Variants in KDM2B observed in about 807,000 individuals in gnomAD.
KDM2B encodes lysine demethylase 2B.
A neutral mutation model predicts 150.0 loss-of-function variants in KDM2B; 26 were observed. That is an observed-to-expected ratio of 0.17 (90% CI 0.13 to 0.24). The LOEUF is 0.24. Ranked by LOEUF, KDM2B falls within the 10% of genes least tolerant of loss-of-function variation. The pLI, the probability that KDM2B is intolerant of heterozygous loss-of-function variation, is 1.00. For missense variants in KDM2B, 1,265 were observed against 1,816.9 expected, an observed-to-expected ratio of 0.70 and a Z score of 5.52; for synonymous variants, 734 against 729.5, an observed-to-expected ratio of 1.01 and a Z score of -0.10.
Position 121,549,025 on chromosome 12 carries a change from C to G in KDM2B, c.577-42G>C, listed in dbSNP as rs1889282786. The G allele has an allele frequency of 6.6e-7, 1 of 1,512,620 alleles. No homozygotes were observed. Among genetic ancestry groups the G allele is most frequent in the Non-Finnish European group, 9.2e-7 (1 of 1,088,500 alleles). 93.7% of individuals were successfully genotyped at this position (1,512,620 alleles called of 1,614,324 possible). A position where few individuals can be genotyped will look rare whatever the true frequency, so the allele number is the denominator to read the frequency against. ...TGTGAGCACTGCATTTCTCCACTGC[C>G]GAGCCAGACACAAATACCCCTTTCC... On this transcript the variant is annotated intron_variant, in intron 5 of 22. Coordinates refer to ENST00000377071, the MANE Select transcript of KDM2B (RefSeq NM_032590.5). This position sits in a 1 kb window ranked among gnomAD's most constrained non-coding sequence, Gnocchi z 4.4.
intron 13 of KDM2B, among the ~76,000 whole-genome samples, chr12:121,446,951 G>A (rs1447810902): frequency 1.3e-5 from 2 of 152,142 alleles, no homozygotes; most frequent in African/African-American, 2.4e-5. Context: ...ACAACATCAT[G>A]CCTGAGCAAA....
intron 9 of KDM2B, chr12:121,516,528 C>T: frequency 7.0e-7 from 1 of 1,425,556 alleles, no homozygotes; most frequent in South Asian, 1.3e-5. Context: ...TGCCTGGGGA[C>T]ATTAAACATA....
chr12:121,534,941 T>C (rs1294493058), intron 6 of KDM2B, among the ~76,000 whole-genome samples: 19 of 152,104 alleles, frequency 1.2e-4, no homozygotes, highest in African/African-American at 3.9e-4. Context: ...AGTTAGAGGC[T>C]TCCTCTCTGC....
the KDM2B span, chr12:121,420,217 A>C: frequency 6.2e-7 from 1 of 1,606,080 alleles, no homozygotes; most frequent in South Asian, 1.1e-5. Context: ...TTCCTGACCT[A>C]ATCAGATACG....
Position 121,430,042 on chromosome 12 carries a change from T to C in KDM2B, c.*246A>G, listed in dbSNP as rs1872755990. On this transcript the variant is annotated 3_prime_UTR_variant, in exon 23 of 23. Transcript: ENST00000377071. This position sits in a 1 kb window ranked among gnomAD's most constrained non-coding sequence, Gnocchi z 4.4. ...CTCCTCTCCGACAGGAATGTCTTCT[T>C]GTAAAGGCCGCCTTAGAAATGGTCC... 1.5e-6 allele frequency: 2 copies of C among 1,310,172 alleles called. No individual in the cohort carries two copies. Among genetic ancestry groups the C allele is most frequent in the East Asian group, 2.3e-5 (1 of 43,436 alleles). The allele number at this position is 1,310,172 out of a possible 1,614,324, so 81.2% of individuals were successfully genotyped here.
intron 19 of KDM2B, among the ~76,000 whole-genome samples, chr12:121,441,594 AC>A (rs1555288321): frequency 1.3e-5 from 2 of 151,600 alleles, no homozygotes. Context: ...GCGCCACCAC[AC>A]CCGGCTAATT....
intron 13 of KDM2B, among the ~76,000 whole-genome samples, chr12:121,451,680 G>A (rs956241067): frequency 2.6e-5 from 4 of 152,174 alleles, no homozygotes; most frequent in Admixed American, 1.3e-4. Context: ...TGGAGGCCGA[G>A]GTGGGTAGAT....
rs782408113 is a variant in KDM2B, at chr12:121,444,225, G to A, written c.2238C>T (p.Ser746=). ...GGTTCATCTTCTGCTCCTTGAGCAG[G>A]GAGCCGGGCAGGTTGGAGGCGTACT... ...GFKYASNLPG[S]LLKEQKMNRD... Residue 746 remains serine, a synonymous_variant, in exon 16 of 23, where the codon TCC becomes TCT. Transcript: ENST00000377071. 16 of 1,613,664 alleles carry A rather than the reference G, an allele frequency of 9.9e-6. No homozygotes were observed. The highest frequency in any genetic ancestry group is 1.7e-5 in the Admixed American group (1 of 60,014).
At chr12:121,579,116 G>A in intron 1 of KDM2B, 170 bp from the exon 2 acceptor site, 1 of 721,092 alleles carries the variant, frequency 1.4e-6, no homozygotes. Flanking sequence ...GCAGGACAAG[G>A]AGAGGGGCCC....
intron 14 of KDM2B, chr12:121,444,917 A>G (rs1875883899): frequency 2.4e-6 from 1 of 418,704 alleles, no homozygotes; most frequent in Non-Finnish European, 4.4e-6. Context: ...GTGCTGGGGG[A>G]AGGAGTGTGG....
rs190389899 is a variant in KDM2B, at chr12:121,520,049, C to T, written c.1047+936G>A. 7.9e-3 allele frequency among the ~76,000 whole-genome samples: 1,209 copies of T among 152,228 alleles called. 11 individuals carry two copies. Among genetic ancestry groups the T allele is most frequent in the African/African-American group, 0.028 (1,148 of 41,536 alleles). ...CTGGGACTACAGGCGTACACCACCA[C>T]GCCCAGCTTTTTTGTATTTTTGGTA... On this transcript the variant is annotated intron_variant, in intron 9 of 22. Coordinates refer to ENST00000377071, the MANE Select transcript of KDM2B (RefSeq NM_032590.5). This position sits in a 1 kb window ranked among gnomAD's most constrained non-coding sequence, Gnocchi z 4.5.
chr12:121,428,875 G>T (rs558208313), downstream of KDM2B, among the ~76,000 whole-genome samples: 2 of 152,286 alleles, frequency 1.3e-5, no homozygotes, highest in African/African-American at 4.8e-5. Flanking sequence ...AATGGTAATG[G>T]CAAGTAGCCA....
At chr12:121,440,459 G>A (rs143033608) in intron 21 of KDM2B, 176 of 381,970 alleles carry the variant, frequency 4.6e-4, no homozygotes, top group African/African-American at 2.9e-3. Context: ...CACTGATCCC[G>A]ATGGCAGTGG....
chr12:121,503,998 G>A (rs1344474491), intron 11 of KDM2B, among the ~76,000 whole-genome samples: 1 of 152,140 alleles, frequency 6.6e-6, no homozygotes, highest in Non-Finnish European at 1.5e-5. Context: ...TGAACTCCAG[G>A]GTCTCCTCTG....
At chr12:121,535,325 G>A (rs28481788) in intron 6 of KDM2B, among the ~76,000 whole-genome samples, 2 of 151,920 alleles carry the variant, frequency 1.3e-5, no homozygotes, top group African/African-American at 2.4e-5. Context: ...AAGACCAAGC[G>A]GTGTCTGGTC....
chr12:121,502,292 G>A (rs1036182429), intron 11 of KDM2B, among the ~76,000 whole-genome samples: 57 of 152,166 alleles, frequency 3.7e-4, no homozygotes, highest in African/African-American at 1.4e-3. Context: ...GTTTACAGAT[G>A]GCACAGGGAT....
rs1555305479 is a variant in KDM2B at position 121,518,986 on chromosome 12, TC to T, written c.1047+1998del. On this transcript the variant is annotated intron_variant, in intron 9 of 22. Transcript: ENST00000377071. This position sits in a 1 kb window ranked among gnomAD's most constrained non-coding sequence, Gnocchi z 4.4. ...TCCAGACCAGGGTGGGGGCTGGCCT[TC>T]CCCAGGTGGGATGGGGATGGTGGGC... Among the ~76,000 whole-genome samples the T allele has an allele frequency of 6.6e-6, 1 of 152,108 alleles. No individual in the cohort carries two copies. Among genetic ancestry groups the T allele is most frequent in the Non-Finnish European group, 1.5e-5 (1 of 68,016 alleles).
rs981103180 is a variant in KDM2B at position 121,559,772 on chromosome 12, G to A, written c.398-10134C>T. 6.6e-5 allele frequency among the ~76,000 whole-genome samples: 10 copies of A among 151,906 alleles called. No homozygotes were observed. In the East Asian group the frequency reaches 7.7e-4, roughly 12 times the overall value. On this transcript the variant is annotated intron_variant, in intron 4 of 22. Transcript: ENST00000377071. ...CACAAAATTAGTCAGGCATGGTGGC[G>A]CATGCCTGTAATCCCAGCTACTCGG... is the stretch of plus-strand genomic sequence containing the variant.
chr12:121,574,978 T>C (rs1891406413), intron 3 of KDM2B, among the ~76,000 whole-genome samples: 1 of 152,176 alleles, frequency 6.6e-6, no homozygotes, highest in Admixed American at 6.5e-5. Context: ...CTCTAGAAAA[T>C]ACTCTCCATG....
Sources: allele counts gnomAD v4.1 joint callset (sites outside exome capture counted in the v4.1 genomes callset), GRCh38; gene constraint gnomAD v4.1.1; non-coding constraint Gnocchi (gnomAD v3.1); transcripts MANE v1.5; gene names NCBI Gene and HGNC (gene_info 2026-07-23, HGNC 2026-07-21).